Variants in FRYL observed in about 807,000 individuals in gnomAD.
The protein encoded by FRYL is FRY like transcription coactivator.
Under a neutral mutation model 351.2 loss-of-function variants are expected in FRYL, and 150 were observed. The observed-to-expected ratio is 0.43, with a 90% CI of 0.37 to 0.49. The LOEUF is 0.49. Ranked by LOEUF, FRYL falls within the 20% of genes least tolerant of loss-of-function variation. The pLI, the probability that FRYL is intolerant of heterozygous loss-of-function variation, is 0.00. For missense variants in FRYL, 3,036 were observed against 3,619.3 expected (o/e 0.84, Z 4.13); for synonymous variants, 1,153 against 1,257.1 (o/e 0.92, Z 1.75).
intron 4 of FRYL, among the ~76,000 whole-genome samples, chr4:48,633,388 T>C (rs1753635303): frequency 1.3e-5 from 2 of 152,210 alleles, no homozygotes; most frequent in Non-Finnish European, 2.9e-5. Flanking sequence ...GGCTTCAATT[T>C]ACACCCTCAT....
At chr4:48,625,355 G>A (rs1441826285) in intron 4 of FRYL, among the ~76,000 whole-genome samples, 2 of 152,110 alleles carry the variant, frequency 1.3e-5, no homozygotes, top group East Asian at 3.8e-4. Context: ...GTGAAGCAAC[G>A]TCAATGTACA....
intron 2 of FRYL, among the ~76,000 whole-genome samples, chr4:48,699,362 A>G (rs1410336490): frequency 6.6e-6 from 1 of 152,230 alleles, no homozygotes; most frequent in Admixed American, 6.5e-5. Flanking sequence ...AGTTTGCCCT[A>G]TCAAAAGTAA....
At position 48,511,573 on chromosome 4, in the gene FRYL, G is replaced by A. The variant is rs183096370; in HGVS notation, c.8146-589C>T. On this transcript the variant is annotated intron_variant, in intron 57 of 63. Coordinates refer to ENST00000358350, the MANE Select transcript of FRYL (RefSeq NM_015030.2). ...AAGTATACCTACTTATATATGTGTT[G>A]CACTGTTAGGTGGCATTATGATTAA... Among the ~76,000 whole-genome samples, 3 of 152,256 alleles carry A rather than the reference G, an allele frequency of 2.0e-5. No individual in the cohort carries two copies. The East Asian group carries it at 5.8e-4, about 29-fold the overall frequency.
chr4:48,680,957 A>C, intron 3 of FRYL: 4 of 1,256,556 alleles, frequency 3.2e-6, no homozygotes, highest in Non-Finnish European at 4.1e-6. Flanking sequence ...TATTTGTCAT[A>C]ATTACTATGA....
At chr4:48,575,322 T>A in intron 24 of FRYL, 81 bp from the exon 25 acceptor site, 1 of 1,437,678 alleles carries the variant, frequency 7.0e-7, no homozygotes, top group Admixed American at 1.8e-5. Flanking sequence ...AGTAGTCTTA[T>A]GTCAAGGATA....
chr4:48,703,861 A>C (rs1767022672), intron 2 of FRYL, among the ~76,000 whole-genome samples: 6 of 152,218 alleles, frequency 3.9e-5, no homozygotes, highest in Admixed American at 3.9e-4. Context: ...TACTCAACAA[A>C]TACTTGTTGA....
In FRYL at chr4:48,499,515, A is replaced by ATTAAG; in HGVS notation, c.8944_8948dup (p.Glu2985IlefsTer4). On this transcript the variant is annotated frameshift_variant, in exon 64 of 64. Coordinates refer to ENST00000358350, the MANE Select transcript of FRYL (RefSeq NM_015030.2). LOFTEE classifies it high-confidence loss of function. The stretch of plus-strand genomic sequence containing the variant: ...TGCGTAGAGACTCTCTTATTTCCAG[A>ATTAAG]TTAAGTTCCATCAGTTTGTAGTTGG... 1 of 1,614,112 alleles carries ATTAAG rather than the reference A, an allele frequency of 6.2e-7. No individual in the cohort carries two copies. The highest frequency in any genetic ancestry group is 8.5e-7 in the Non-Finnish European group (1 of 1,179,970).
At position 48,634,487 on chromosome 4, in the gene FRYL, G is replaced by A. The variant is rs569747839; in HGVS notation, c.-77C>T. On this transcript the variant is annotated 5_prime_UTR_variant, in exon 4 of 64. Coordinates refer to ENST00000358350, the MANE Select transcript of FRYL (RefSeq NM_015030.2). Reference sequence around the variant, plus strand: ...TTTATTTACTTTGCTGACTGGCGCTGAAGCTAAAAGTAAAAGAAACAAAAG... The same window carrying A: ...TTTATTTACTTTGCTGACTGGCGCTAAAGCTAAAAGTAAAAGAAACAAAAG... 12 of 1,606,902 alleles carry A rather than the reference G, an allele frequency of 7.5e-6. No individual in the cohort carries two copies. The African/African-American group carries it at 1.6e-4, about 22-fold the overall frequency.
intron 2 of FRYL, among the ~76,000 whole-genome samples, chr4:48,705,110 C>T (rs1169873954): frequency 6.6e-6 from 1 of 151,994 alleles, no homozygotes; most frequent in Non-Finnish European, 1.5e-5. Context: ...GACGGTGAGA[C>T]TGTCTTAAAA....
chr4:48,551,268 C>T (rs759619412), intron 37 of FRYL, among the ~76,000 whole-genome samples: 4 of 152,026 alleles, frequency 2.6e-5, no homozygotes, highest in Non-Finnish European at 5.9e-5. Context: ...AGTGACTTAC[C>T]ATATACCACC....
At chr4:48,585,247 T>C (rs1031834870) in intron 19 of FRYL, among the ~76,000 whole-genome samples, 1 of 152,204 alleles carries the variant, frequency 6.6e-6, no homozygotes, top group Non-Finnish European at 1.5e-5. Flanking sequence ...TACAATCTAA[T>C]TCACAAAAAA....
intron 55 of FRYL, among the ~76,000 whole-genome samples, chr4:48,519,884 C>T (rs1724535731): frequency 6.6e-6 from 1 of 152,174 alleles, no homozygotes; most frequent in South Asian, 2.1e-4. Context: ...CACGTGTGCA[C>T]CACCACACCC....
At chr4:48,695,020 C>T (rs1258569655) in intron 2 of FRYL, among the ~76,000 whole-genome samples, 1 of 152,134 alleles carries the variant, frequency 6.6e-6, no homozygotes, top group Non-Finnish European at 1.5e-5. Context: ...AGTGACTGTG[C>T]CCCTGCACTC....
chr4:48,689,105 A>G (rs1188448224), intron 2 of FRYL, among the ~76,000 whole-genome samples: 1 of 152,218 alleles, frequency 6.6e-6, no homozygotes, highest in Non-Finnish European at 1.5e-5. Context: ...CTTCACTGCA[A>G]AAATCTAAAT....
intron 1 of FRYL, among the ~76,000 whole-genome samples, chr4:48,773,077 C>T (rs1443250979): frequency 2.6e-5 from 4 of 152,074 alleles, no homozygotes; most frequent in Non-Finnish European, 4.4e-5. Flanking sequence ...TGATCAGAAG[C>T]CTGTAAAAGT....
At chr4:48,530,899 T>C (rs1727433604) in intron 50 of FRYL, among the ~76,000 whole-genome samples, 1 of 152,208 alleles carries the variant, frequency 6.6e-6, no homozygotes, top group Non-Finnish European at 1.5e-5. Context: ...CTATGTTTAG[T>C]TGTTAAGCTA....
intron 3 of FRYL, among the ~76,000 whole-genome samples, chr4:48,656,111 T>C (rs1361385036): frequency 9.5e-6 from 1 of 105,476 alleles, no homozygotes; most frequent in Non-Finnish European, 2.0e-5. Context: ...ATTGTATACA[T>C]ATATACATAA....
chr4:48,579,689 T>C (rs1740451178), intron 22 of FRYL, among the ~76,000 whole-genome samples: 1 of 152,194 alleles, frequency 6.6e-6, no homozygotes, highest in Non-Finnish European at 1.5e-5. Context: ...TGAACTCTTA[T>C]ACTGAAGAGA....
chr4:48,696,714 T>C (rs775495744), intron 2 of FRYL, among the ~76,000 whole-genome samples: 2 of 151,834 alleles, frequency 1.3e-5, no homozygotes, highest in African/African-American at 2.4e-5. Context: ...ATATACATAA[T>C]CAAATTAAAT....
Sources: gnomAD v4.1 joint callset for allele counts (sites outside exome capture counted in the v4.1 genomes callset) on GRCh38, gnomAD v4.1.1 for gene constraint, MANE v1.5 for transcripts, NCBI Gene and HGNC (gene_info 2026-07-23, HGNC 2026-07-21) for gene names.